The following ATP6V1G1 variants were observed in gnomAD, a reference collection of about 807,000 sequenced individuals.
The protein encoded by ATP6V1G1 is ATPase H+ transporting V1 subunit G1, also known as V-type proton ATPase subunit G 1.
Under a neutral mutation model 14.2 loss-of-function variants are expected in ATP6V1G1, and 14 were observed. The observed-to-expected ratio is 0.99, with a 90% confidence interval of 0.65 to 1.55. The LOEUF is 1.55. Ranked by LOEUF, ATP6V1G1 falls within the 40% of genes most tolerant of loss-of-function variation. The pLI is 0.00. For missense variants in ATP6V1G1, 137 were observed against 146.4 expected (o/e 0.94, Z 0.33); for synonymous variants, 65 against 53.3 (o/e 1.22, Z -0.96).
chr9:114,589,079 G>A (rs1294195666), intron 1 of ATP6V1G1, among the ~76,000 whole-genome samples: 2 of 152,104 alleles, frequency 1.3e-5, no homozygotes, highest in African/African-American at 2.4e-5. Flanking sequence ...CCTCCCCTTT[G>A]TTCTCTGACC....
intron 2 of ATP6V1G1, among the ~76,000 whole-genome samples, chr9:114,594,360 C>T (rs768851217): frequency 1.1e-4 from 17 of 151,144 alleles, no homozygotes; most frequent in Non-Finnish European, 2.2e-4. Flanking sequence ...TGAGCCACCG[C>T]GCCCAGCGCC....
At chr9:114,596,291 G>A (rs1845237228) in intron 2 of ATP6V1G1, among the ~76,000 whole-genome samples, 1 of 151,818 alleles carries the variant, frequency 6.6e-6, no homozygotes, top group Admixed American at 6.6e-5. Context: ...AGGAGGCTGA[G>A]GCAGGAGAAT....
At chr9:114,594,765 C>A (rs142783831) in intron 2 of ATP6V1G1, among the ~76,000 whole-genome samples, 3 of 152,214 alleles carry the variant, frequency 2.0e-5, no homozygotes, top group East Asian at 3.9e-4. Flanking sequence ...CATATTCTTA[C>A]ATTCTGTGCT....
chr9:114,592,122 C>T (rs1380085174), intron 1 of ATP6V1G1, among the ~76,000 whole-genome samples: 1 of 152,200 alleles, frequency 6.6e-6, no homozygotes, highest in Non-Finnish European at 1.5e-5. Context: ...ATGTTGCTGT[C>T]CCTTGCGAGC....
At chr9:114,593,782 T>C (rs1258752362) in intron 2 of ATP6V1G1, among the ~76,000 whole-genome samples, 3 of 152,090 alleles carry the variant, frequency 2.0e-5, no homozygotes, top group Non-Finnish European at 4.4e-5. Context: ...ATCTTTGTTC[T>C]TGGCAATTAC....
chr9:114,590,207 A>AC (rs1009857613), intron 1 of ATP6V1G1, among the ~76,000 whole-genome samples: 48 of 151,584 alleles, frequency 3.2e-4, no homozygotes, highest in African/African-American at 8.0e-4. Flanking sequence ...TCAAAAAAAA[A>AC]AAAAAACAAA....
chr9:114,587,826 A>G lies in ATP6V1G1; in HGVS notation c.-13A>G. ...CTTAGGCCGCTTGCCTTGCTCTCAG[A>G]ATCGCTGCCGCCATGGCTAGTCAGT... On this transcript the variant is annotated 5_prime_UTR_variant, in exon 1 of 3. Coordinates refer to ENST00000374050, the MANE Select transcript of ATP6V1G1 (RefSeq NM_004888.4). The G allele has an allele frequency of 6.3e-7, 1 of 1,579,822 alleles. No homozygotes were observed. The highest frequency in any genetic ancestry group is 8.6e-7 in the Non-Finnish European group (1 of 1,162,818).
intron 1 of ATP6V1G1, among the ~76,000 whole-genome samples, chr9:114,591,757 C>T (rs1417684580): frequency 1.3e-5 from 2 of 151,816 alleles, no homozygotes; most frequent in African/African-American, 4.8e-5. Flanking sequence ...ATTTTAGATG[C>T]AGGATGTCTT....
chr9:114,597,531 T>G (rs1336222778), intron 2 of ATP6V1G1, 39 bp from the exon 3 acceptor site: 1 of 1,436,742 alleles, frequency 7.0e-7, no homozygotes, highest in Non-Finnish European at 9.2e-7. Context: ...CAGAGCATTG[T>G]TCTGATAATC....
At chr9:114,589,475 G>T (rs891874990) in intron 1 of ATP6V1G1, among the ~76,000 whole-genome samples, 2 of 152,070 alleles carry the variant, frequency 1.3e-5, no homozygotes, top group African/African-American at 2.4e-5. Flanking sequence ...GTTTCTCCTA[G>T]TATAGGAGTT....
At chr9:114,589,091 T>G (rs537579942) in intron 1 of ATP6V1G1, among the ~76,000 whole-genome samples, 9 of 152,306 alleles carry the variant, frequency 5.9e-5, no homozygotes, top group Non-Finnish European at 1.2e-4. Context: ...TCTCTGACCC[T>G]TAGTCTTCCA....
rs186138316 is a variant in ATP6V1G1 at position 114,587,810 on chromosome 9, C to T, written c.-29C>T. The T allele has an allele frequency of 1.7e-5, 27 of 1,566,810 alleles. No homozygotes were observed. Among genetic ancestry groups the T allele is most frequent in the Middle Eastern group, 3.3e-4 (2 of 6,030 alleles). ...GGGGCCTTCGAGGTGCCTTAGGCCG[C>T]TTGCCTTGCTCTCAGAATCGCTGCC... On this transcript the variant is annotated 5_prime_UTR_variant, in exon 1 of 3. Coordinates refer to ENST00000374050, the MANE Select transcript of ATP6V1G1 (RefSeq NM_004888.4).
At chr9:114,595,057 A>G (rs1845224412) in intron 2 of ATP6V1G1, among the ~76,000 whole-genome samples, 1 of 147,744 alleles carries the variant, frequency 6.8e-6, no homozygotes, top group Non-Finnish European at 1.5e-5. Context: ...TAGTAGAGAC[A>G]GGGTTTCACC....
At chr9:114,587,941 G>A in intron 1 of ATP6V1G1, 21 bp downstream of exon 1, 1 of 1,557,272 alleles carries the variant, frequency 6.4e-7, no homozygotes, top group Non-Finnish European at 8.7e-7. Flanking sequence ...GGGTGGGGCT[G>A]CCCGGCGTGG....
intron 1 of ATP6V1G1, among the ~76,000 whole-genome samples, chr9:114,589,922 G>A (rs137887685): frequency 1.3e-5 from 2 of 152,260 alleles, no homozygotes; most frequent in African/African-American, 4.8e-5. Flanking sequence ...ATTTGGCTGG[G>A]CGTGGTGGCT....
intron 1 of ATP6V1G1, among the ~76,000 whole-genome samples, chr9:114,590,567 G>A (rs10982319): frequency 6.6e-6 from 1 of 151,300 alleles, no homozygotes; most frequent in Non-Finnish European, 1.5e-5. Flanking sequence ...AGATATGAGC[G>A]ACTGCGCCTT....
chr9:114,588,400 A>G (rs1845149685), intron 1 of ATP6V1G1, among the ~76,000 whole-genome samples: 1 of 151,488 alleles, frequency 6.6e-6, no homozygotes. Flanking sequence ...CCAGGACACC[A>G]GTTTCTCTAA....
intron 2 of ATP6V1G1, among the ~76,000 whole-genome samples, chr9:114,597,333 G>C (rs1845250104): frequency 6.6e-6 from 1 of 152,124 alleles, no homozygotes; most frequent in African/African-American, 2.4e-5. Context: ...ACATGTCTTT[G>C]GAATAATTTC....
At chr9:114,592,524 C>G in intron 1 of ATP6V1G1, 28 bp from the exon 2 acceptor site, 1 of 1,544,436 alleles carries the variant, frequency 6.5e-7, no homozygotes, top group Non-Finnish European at 8.7e-7. Context: ...TAACCACTTC[C>G]TGATATAGCT....
Sources: gnomAD v4.1 joint callset for allele counts (sites outside exome capture counted in the v4.1 genomes callset) on GRCh38, gnomAD v4.1.1 for gene constraint, MANE v1.5 for transcripts, NCBI Gene and HGNC (gene_info 2026-07-23, HGNC 2026-07-21) for gene names.